ITPR2: variants seen among roughly 807,000 people sequenced by gnomAD.
ITPR2 encodes inositol 1,4,5-trisphosphate-gated calcium channel ITPR2.
ITPR2 carries 207 observed loss-of-function variants against 317.1 expected under a neutral mutation model. That is an observed-to-expected ratio of 0.65 (90% CI 0.58 to 0.73). The LOEUF (loss-of-function observed/expected upper bound fraction) is 0.73, where lower values mean the gene tolerates loss of function less well. ITPR2 is among the 30% of genes least tolerant of loss of function. The pLI is 0.00. For missense variants in ITPR2, 2,613 were observed against 3,284.0 expected (o/e 0.80, Z 4.99); for synonymous variants, 1,156 against 1,149.1 (o/e 1.01, Z -0.12).
intron 46 of ITPR2, among the ~76,000 whole-genome samples, chr12:26,442,633 G>A (rs1297755916): frequency 6.6e-6 from 1 of 152,068 alleles, no homozygotes; most frequent in Non-Finnish European, 1.5e-5. Context: ...TTTGCTGCTA[G>A]TCCAGCTCAT....
Position 26,561,909 on chromosome 12 carries a change from T to C in ITPR2, c.4674A>G (p.Gln1558=), listed in dbSNP as rs1362898593. The change falls in exon 35 of 57, where the codon CAA becomes CAG. Residue 1558 remains glutamine (Q), a synonymous_variant. Coordinates refer to ENST00000381340, the MANE Select transcript of ITPR2 (RefSeq NM_002223.4). The part of the protein sequence containing the change: ...GIAIPVDLDS[Q]VNTLFMKSHS... ...GGCTCTTCATGAAAAGAGTATTAAC[T>C]TGGCTGTCCAAATCCACTGGAATGG... 3 of 1,557,138 alleles carry C rather than the reference T, an allele frequency of 1.9e-6. No homozygotes were observed. The highest frequency in any genetic ancestry group is 2.6e-6 in the Non-Finnish European group (3 of 1,161,418).
At chr12:26,358,828 G>A (rs1938727802) in intron 55 of ITPR2, among the ~76,000 whole-genome samples, 1 of 152,004 alleles carries the variant, frequency 6.6e-6, no homozygotes, top group African/African-American at 2.4e-5. Context: ...CTGGCCACAT[G>A]AGCTGTGCTG....
At chr12:26,524,934 T>C (rs1415473770) in intron 37 of ITPR2, among the ~76,000 whole-genome samples, 1 of 152,210 alleles carries the variant, frequency 6.6e-6, no homozygotes, top group Non-Finnish European at 1.5e-5. Context: ...CAAAAAATTA[T>C]TTATAATTAT....
chr12:26,441,538 T>C lies in ITPR2; in HGVS notation c.6450+2005A>G, dbSNP rs149928464. ...TGCTGTGGAAGCATACACAGTGAGA[T>C]GAAATTAATGAAAGCCTGGAGAAGG... On this transcript the variant is annotated intron_variant, in intron 46 of 56. Coordinates refer to ENST00000381340, the MANE Select transcript of ITPR2 (RefSeq NM_002223.4). 1.2e-4 allele frequency among the ~76,000 whole-genome samples: 18 copies of C among 152,214 alleles called. No homozygotes were observed. In the East Asian group the frequency reaches 2.3e-3, roughly 20 times the overall value.
intron 2 of ITPR2, among the ~76,000 whole-genome samples, chr12:26,733,192 T>C (rs1379233036): frequency 6.6e-6 from 1 of 151,074 alleles, no homozygotes; most frequent in Admixed American, 6.6e-5. Flanking sequence ...CGTGTGCCTG[T>C]AATCCCAGCC....
intron 24 of ITPR2, among the ~76,000 whole-genome samples, chr12:26,622,933 T>C (rs146756132): frequency 0.017 from 2,659 of 152,306 alleles, 40 homozygotes; most frequent in South Asian, 0.04. Flanking sequence ...GATGAAATCA[T>C]ATACTGGTTC....
At chr12:26,472,611 A>G (rs544168976) in intron 45 of ITPR2, among the ~76,000 whole-genome samples, 4 of 152,294 alleles carry the variant, frequency 2.6e-5, no homozygotes, top group African/African-American at 9.6e-5. Flanking sequence ...TACTACTTCT[A>G]AATTTCCACT....
chr12:26,342,759 G>A (rs983544988), intron 55 of ITPR2, among the ~76,000 whole-genome samples: 7 of 152,042 alleles, frequency 4.6e-5, no homozygotes, highest in Non-Finnish European at 8.8e-5. Context: ...ATAGGTGTGC[G>A]CCACCATGCC....
chr12:26,579,143 G>A (rs1281600577), intron 33 of ITPR2, among the ~76,000 whole-genome samples: 1 of 152,086 alleles, frequency 6.6e-6, no homozygotes, highest in Non-Finnish European at 1.5e-5. Context: ...ATTCCCATGA[G>A]CAAATAAGCA....
At chr12:26,390,423 A>G (rs1939797517) in intron 54 of ITPR2, among the ~76,000 whole-genome samples, 2 of 152,228 alleles carry the variant, frequency 1.3e-5, no homozygotes, top group Non-Finnish European at 2.9e-5. Flanking sequence ...TTTTTACAAT[A>G]AAAAGGAACG....
chr12:26,485,069 C>T (rs1942636656), intron 41 of ITPR2, among the ~76,000 whole-genome samples: 1 of 147,744 alleles, frequency 6.8e-6, no homozygotes, highest in Non-Finnish European at 1.5e-5. Context: ...GTTCGATATG[C>T]TTATGCATGC....
At chr12:26,499,064 AT>A (rs1290364162) in intron 37 of ITPR2, among the ~76,000 whole-genome samples, 3 of 152,166 alleles carry the variant, frequency 2.0e-5, no homozygotes, top group Non-Finnish European at 2.9e-5. Context: ...AAACAAATAA[AT>A]TTTTTTAAAG....
chr12:26,632,329 A>G (rs184064094), intron 21 of ITPR2, among the ~76,000 whole-genome samples: 103 of 152,344 alleles, frequency 6.8e-4, no homozygotes, highest in African/African-American at 2.4e-3. Flanking sequence ...GGTTGCTCTA[A>G]CATCCAAATC....
At chr12:26,790,586 T>C (rs373239731) in intron 1 of ITPR2, among the ~76,000 whole-genome samples, 4 of 147,708 alleles carry the variant, frequency 2.7e-5, no homozygotes, top group Non-Finnish European at 6.0e-5. Flanking sequence ...CATATATGCT[T>C]ACACACACAC....
intron 2 of ITPR2, among the ~76,000 whole-genome samples, chr12:26,776,990 G>A (rs544424460): frequency 6.6e-6 from 1 of 152,270 alleles, no homozygotes; most frequent in East Asian, 1.9e-4. Context: ...AAACAGACAT[G>A]GGAATAGATA....
At chr12:26,479,144 G>GA (rs11322201) in intron 43 of ITPR2, among the ~76,000 whole-genome samples, 10,822 of 140,784 alleles carry the variant, frequency 0.077, 543 homozygotes, top group East Asian at 0.15. Flanking sequence ...CATTCACTAA[G>GA]AAAAAAAAAA....
Position 26,627,981 on chromosome 12 carries a change from A to G in ITPR2, c.3064+52T>C, listed in dbSNP as rs879203705. On this transcript the variant is annotated intron_variant, in intron 23 of 56. Transcript: ENST00000381340. ...GTTTTAAAATATGATAGGTACTTTC[A>G]AGTTCTCAGAAAAATAAAATAAAAA... is the stretch of plus-strand genomic sequence containing the variant. 5 of 1,476,840 alleles carry G rather than the reference A, an allele frequency of 3.4e-6. 1 individual carries two copies. In the South Asian group the frequency reaches 6.4e-5, roughly 19 times the overall value. The allele number at this position is 1,476,840 out of a possible 1,614,324, so 91.5% of individuals were successfully genotyped here. A position where few individuals can be genotyped will look rare whatever the true frequency, so the allele number is the denominator to read the frequency against.
chr12:26,536,122 C>A (rs1049378391), intron 37 of ITPR2, among the ~76,000 whole-genome samples: 2 of 152,128 alleles, frequency 1.3e-5, no homozygotes, highest in East Asian at 3.8e-4. Flanking sequence ...TGTACAAGAA[C>A]TTTGAGCCAA....
At chr12:26,818,885 T>G (rs539472121) in intron 1 of ITPR2, among the ~76,000 whole-genome samples, 1 of 152,352 alleles carries the variant, frequency 6.6e-6, no homozygotes, top group South Asian at 2.1e-4. Flanking sequence ...TAACTTACTT[T>G]GGATTCCTAA....
Sources: gnomAD v4.1 joint callset for allele counts (sites outside exome capture counted in the v4.1 genomes callset) on GRCh38, gnomAD v4.1.1 for gene constraint, MANE v1.5 for transcripts, NCBI Gene and HGNC (gene_info 2026-07-23, HGNC 2026-07-21) for gene names.